TTC28: variants seen among roughly 807,000 people sequenced by gnomAD.
TTC28 encodes tetratricopeptide repeat domain 28.
Under a neutral mutation model 198.0 loss-of-function variants are expected in TTC28, and 61 were observed. That is an observed-to-expected ratio of 0.31 (90% CI 0.25 to 0.38). The LOEUF (loss-of-function observed/expected upper bound fraction) is 0.38, where lower values mean the gene tolerates loss of function less well. Ranked by LOEUF, TTC28 falls within the 10% of genes least tolerant of loss-of-function variation. The pLI is 1.00. For synonymous variants in TTC28, 1,171 were observed against 1,297.8 expected, an observed-to-expected ratio of 0.90 and a Z score of 2.10; for missense variants, 2,678 against 3,164.0, an observed-to-expected ratio of 0.85 and a Z score of 3.69.
chr22:28,001,731 G>T, intron 14 of TTC28, 178 bp from the exon 15 acceptor site: 1 of 685,274 alleles, frequency 1.5e-6, no homozygotes, highest in East Asian at 2.8e-5. Flanking sequence ...GGCACCAACT[G>T]GCATGCTCGC....
intron 12 of TTC28, among the ~76,000 whole-genome samples, chr22:28,088,439 C>A (rs1242595568): frequency 6.6e-6 from 1 of 152,092 alleles, no homozygotes; most frequent in Admixed American, 6.6e-5. Flanking sequence ...ATAAATGGTG[C>A]TGAGAAAACT....
intron 2 of TTC28, among the ~76,000 whole-genome samples, chr22:28,409,733 C>A (rs540381962): frequency 6.7e-6 from 1 of 149,906 alleles, no homozygotes; most frequent in African/African-American, 2.5e-5. Context: ...CTTGGCTCAG[C>A]GCAACCTCCG....
At chr22:28,041,165 G>A (rs111249534) in intron 12 of TTC28, among the ~76,000 whole-genome samples, 2 of 152,040 alleles carry the variant, frequency 1.3e-5, no homozygotes, top group Non-Finnish European at 2.9e-5. Flanking sequence ...GCCCAAGGTA[G>A]TTTATAGATT....
rs1464124897 is a variant in TTC28 at position 27,983,442 on chromosome 22, G to C, written c.6225C>G (p.Asn2075Lys). The change falls in exon 23 of 23, where the codon AAC becomes AAG. Residue 2075 changes from asparagine (N) to lysine (K), a missense_variant. Around this residue, in one of 8 missense-constraint regions of TTC28, gnomAD observed 622 missense variants for 656.0 expected, o/e 0.95. Transcript: ENST00000397906. ...GTTTGTGGTCTGGTGAGAAGCATGT[G>C]TTTCGGTTTTCTTGGTAGGTCGCCA... is the stretch of plus-strand genomic sequence containing the variant. ...EPLATYQENRNTCFSPDHKQP... is the reference protein window; with the variant it reads ...EPLATYQENRKTCFSPDHKQP... The C allele has an allele frequency of 6.5e-7, 1 of 1,547,496 alleles. No homozygotes were observed. Among genetic ancestry groups the C allele is most frequent in the East Asian group, 2.4e-5 (1 of 40,900 alleles).
intron 2 of TTC28, among the ~76,000 whole-genome samples, chr22:28,524,137 T>C (rs1181176218): frequency 6.6e-6 from 1 of 152,164 alleles, no homozygotes; most frequent in Non-Finnish European, 1.5e-5. Context: ...TTTGAATTTT[T>C]TAAAAGTCAT....
At chr22:28,624,964 A>G (rs2051055950) in intron 2 of TTC28, among the ~76,000 whole-genome samples, 1 of 152,210 alleles carries the variant, frequency 6.6e-6, no homozygotes, top group African/African-American at 2.4e-5. Flanking sequence ...AAATAAATCA[A>G]TTTAATTTAC....
chr22:28,606,186 C>A (rs574737846), intron 2 of TTC28, among the ~76,000 whole-genome samples: 1 of 151,756 alleles, frequency 6.6e-6, no homozygotes, highest in East Asian at 1.9e-4. Flanking sequence ...TGGGTTCAAG[C>A]GATTCTCCTG....
chr22:28,174,033 C>T (rs1420610909), intron 5 of TTC28, among the ~76,000 whole-genome samples: 3 of 152,166 alleles, frequency 2.0e-5, no homozygotes, highest in South Asian at 2.1e-4. Flanking sequence ...TCTACATGCT[C>T]CATGTATTCT....
At chr22:28,511,157 T>A (rs922466116) in intron 2 of TTC28, among the ~76,000 whole-genome samples, 6 of 152,140 alleles carry the variant, frequency 3.9e-5, no homozygotes, top group African/African-American at 1.4e-4. Flanking sequence ...GGAAAAACTA[T>A]TTTAAAATTC....
chr22:28,521,515 C>T (rs2048909001), intron 2 of TTC28, among the ~76,000 whole-genome samples: 1 of 152,130 alleles, frequency 6.6e-6, no homozygotes, highest in Non-Finnish European at 1.5e-5. Context: ...AAGAGCTGAG[C>T]AGATATTCTG....
At position 28,122,079 on chromosome 22, in the gene TTC28, G is replaced by A. The variant is rs1461665011; in HGVS notation, c.1442-13676C>T. On this transcript the variant is annotated intron_variant, in intron 6 of 22. Coordinates refer to ENST00000397906, the MANE Select transcript of TTC28 (RefSeq NM_001145418.2). ...GACAGGGTTTTACCCTGTTGGCCAG[G>A]CTGTTCTCGAACTCCTGACCTCAAG... Among the ~76,000 whole-genome samples, 4 of 152,096 alleles carry A rather than the reference G, an allele frequency of 2.6e-5. No individual in the cohort carries two copies. In the East Asian group the frequency reaches 5.8e-4, roughly 22 times the overall value.
intron 5 of TTC28, among the ~76,000 whole-genome samples, chr22:28,222,096 T>C (rs143470484): frequency 6.6e-6 from 1 of 152,348 alleles, no homozygotes; most frequent in African/African-American, 2.4e-5. Flanking sequence ...GCAATATTGA[T>C]GGGAGCTCTG....
chr22:28,011,643 G>A (rs1279459506), intron 14 of TTC28, among the ~76,000 whole-genome samples: 1 of 152,096 alleles, frequency 6.6e-6, no homozygotes, highest in East Asian at 1.9e-4. Flanking sequence ...CCATAGATGA[G>A]GAACCCATGG....
chr22:28,096,053 T>C (rs985402054), intron 11 of TTC28, 137 bp downstream of exon 11: 3 of 1,311,978 alleles, frequency 2.3e-6, no homozygotes, highest in East Asian at 2.7e-5. Context: ...GCATATCCAC[T>C]GCGGCTGAGG....
intron 2 of TTC28, among the ~76,000 whole-genome samples, chr22:28,613,570 A>C (rs2050854772): frequency 6.6e-6 from 1 of 152,218 alleles, no homozygotes; most frequent in African/African-American, 2.4e-5. Context: ...GGCAAACCAA[A>C]TCCAGCAGCA....
chr22:28,557,111 T>G lies in TTC28; in HGVS notation c.381+72441A>C, dbSNP rs574678089. 8.8e-4 allele frequency among the ~76,000 whole-genome samples: 134 copies of G among 152,240 alleles called. 2 individuals are homozygous for G. The highest frequency in any genetic ancestry group is 2.6e-4 in the Non-Finnish European group (18 of 68,042). On this transcript the variant is annotated intron_variant, in intron 2 of 22. Coordinates refer to ENST00000397906, the MANE Select transcript of TTC28 (RefSeq NM_001145418.2). Reference sequence around the variant, plus strand: ...ATTCGGGATCATCTTGGAGGCTGGTTACCAGACACAGTTTCACCTACAGTA... The same window carrying G: ...ATTCGGGATCATCTTGGAGGCTGGTGACCAGACACAGTTTCACCTACAGTA...
chr22:28,332,478 G>A (rs1224832250), intron 2 of TTC28, among the ~76,000 whole-genome samples: 1 of 151,872 alleles, frequency 6.6e-6, no homozygotes, highest in Non-Finnish European at 1.5e-5. Context: ...CAGCAACCAT[G>A]TTGATTATTT....
At chr22:28,623,184 T>C (rs1422550308) in intron 2 of TTC28, among the ~76,000 whole-genome samples, 2 of 152,024 alleles carry the variant, frequency 1.3e-5, no homozygotes. Flanking sequence ...ACTCCTCAGC[T>C]CAAAGAATCC....
At chr22:28,446,235 T>C (rs2047698463) in intron 2 of TTC28, among the ~76,000 whole-genome samples, 1 of 150,472 alleles carries the variant, frequency 6.6e-6, no homozygotes, top group African/African-American at 2.5e-5. Context: ...CTGGAACAAA[T>C]ACTCAATATT....
Sources: gnomAD v4.1 joint callset for allele counts (sites outside exome capture counted in the v4.1 genomes callset) on GRCh38, gnomAD v4.1.1 for gene constraint, gnomAD v4.1.1 regional missense constraint, MANE v1.5 for transcripts, NCBI Gene and HGNC (gene_info 2026-07-23, HGNC 2026-07-21) for gene names.